The following CTNNA2 variants were observed in gnomAD, a reference collection of about 807,000 sequenced individuals.
CTNNA2 encodes catenin alpha 2, also known as catenin alpha-2.
Under a neutral mutation model 101.0 loss-of-function variants are expected in CTNNA2, and 42 were observed. The ratio of observed to expected loss-of-function variants is 0.42; its 90% CI spans 0.32 to 0.54. The LOEUF is 0.54. CTNNA2 is among the 20% of genes least tolerant of loss of function. The pLI is 0.14. For synonymous variants in CTNNA2, 450 were observed against 456.4 expected (o/e 0.99, Z 0.18); for missense variants, 871 against 1,223.1 (o/e 0.71, Z 4.29).
At chr2:79,854,180 T>A (rs1484245790) in intron 3 of CTNNA2, among the ~76,000 whole-genome samples, 1 of 152,226 alleles carries the variant, frequency 6.6e-6, no homozygotes, top group Non-Finnish European at 1.5e-5. Context: ...TGAGCATATG[T>A]TGTCTTGCTT....
chr2:80,050,687 A>G (rs1696819246), intron 7 of CTNNA2, among the ~76,000 whole-genome samples: 1 of 152,018 alleles, frequency 6.6e-6, no homozygotes, highest in African/African-American at 2.4e-5. Context: ...TGAAGAGAAC[A>G]TTGTTATTTG....
chr2:80,010,475 TTTA>T (rs1693699309), intron 7 of CTNNA2, among the ~76,000 whole-genome samples: 1 of 152,032 alleles, frequency 6.6e-6, no homozygotes. Context: ...CTGGATTTTT[TTTA>T]TTATTTGTAG....
intron 7 of CTNNA2, among the ~76,000 whole-genome samples, chr2:80,114,982 C>G (rs1185846445): frequency 1.3e-5 from 2 of 152,150 alleles, no homozygotes; most frequent in Non-Finnish European, 2.9e-5. Flanking sequence ...TTATCAGAAG[C>G]TATGTTTACA....
chr2:79,544,756 G>T (rs1478267477), intron 1 of CTNNA2, among the ~76,000 whole-genome samples: 2 of 152,128 alleles, frequency 1.3e-5, no homozygotes, highest in Non-Finnish European at 2.9e-5. Flanking sequence ...TGCTTAGCAG[G>T]TATTTAGAGC....
chr2:80,099,393 T>G (rs892765981), intron 7 of CTNNA2, among the ~76,000 whole-genome samples: 39 of 152,030 alleles, frequency 2.6e-4, no homozygotes, highest in African/African-American at 8.9e-4. Context: ...ACCCTGCATG[T>G]TGGAATACAT....
At chr2:80,579,100 G>A (rs1305497103) in intron 13 of CTNNA2, 2 of 152,152 alleles carry the variant, frequency 1.3e-5, no homozygotes, top group East Asian at 3.9e-4. Flanking sequence ...TAAGTGACTT[G>A]CCAAAGACAT....
chr2:79,339,849 C>A, intron 3 of CTNNA2: 1 of 152,192 alleles, frequency 6.6e-6, no homozygotes, highest in East Asian at 1.9e-4. Context: ...AGACAGAGCT[C>A]AAACTCATAC....
intron 7 of CTNNA2, among the ~76,000 whole-genome samples, chr2:80,069,476 A>C (rs1474187699): frequency 2.0e-5 from 3 of 152,222 alleles, no homozygotes; most frequent in Non-Finnish European, 2.9e-5. Flanking sequence ...AGAAATTTAT[A>C]ATTCCATCTA....
chr2:79,727,734 C>T (rs1437695441), intron 2 of CTNNA2, among the ~76,000 whole-genome samples: 1 of 117,330 alleles, frequency 8.5e-6, no homozygotes, highest in Non-Finnish European at 1.7e-5. Context: ...CCCCTCCCCC[C>T]ACCCCACAAC....
At chr2:79,744,742 T>C (rs947670295) in intron 3 of CTNNA2, among the ~76,000 whole-genome samples, 160 bp downstream of exon 3, 12 of 152,220 alleles carry the variant, frequency 7.9e-5, no homozygotes, top group Non-Finnish European at 7.3e-5. Context: ...ATGTGGTACA[T>C]AGAGATATTT....
At chr2:79,813,484 T>A (rs1426624664) in intron 3 of CTNNA2, among the ~76,000 whole-genome samples, 1 of 152,036 alleles carries the variant, frequency 6.6e-6, no homozygotes, top group African/African-American at 2.4e-5. Flanking sequence ...CTGTTCAGAG[T>A]TGAGGTTGAA....
chr2:79,707,163 T>G (rs1218984226), intron 2 of CTNNA2, among the ~76,000 whole-genome samples: 3 of 152,126 alleles, frequency 2.0e-5, no homozygotes, highest in Non-Finnish European at 4.4e-5. Context: ...CGAGGACACA[T>G]GTGCTGGCTC....
chr2:79,586,285 C>T (rs1676480946), intron 1 of CTNNA2, among the ~76,000 whole-genome samples: 1 of 152,094 alleles, frequency 6.6e-6, no homozygotes, highest in Admixed American at 6.5e-5. Flanking sequence ...TCAAGAGTGT[C>T]ACCTCCTAAA....
intron 4 of CTNNA2, among the ~76,000 whole-genome samples, chr2:79,862,886 T>A (rs1371725449): frequency 6.6e-6 from 1 of 152,152 alleles, no homozygotes; most frequent in East Asian, 1.9e-4. Context: ...CCTAGTTTTT[T>A]AAAAAGGGAA....
At position 80,288,232 on chromosome 2, in the gene CTNNA2, G is replaced by T. The variant is rs1003541382; in HGVS notation, c.1057-104979G>T. 83 of 152,118 alleles carry T rather than the reference G, an allele frequency of 5.5e-4. 1 individual carries two copies. Among genetic ancestry groups the T allele is most frequent in the African/African-American group, 1.7e-3 (72 of 41,428 alleles). The allele number at this position is 152,118 out of a possible 1,614,324, so 9.4% of individuals were successfully genotyped here. On this transcript the variant is annotated intron_variant, in intron 7 of 18. Coordinates refer to ENST00000402739, the MANE Select transcript of CTNNA2 (RefSeq NM_001282597.3). ...AAGCGATCACCAGAAATTTATGTTT[G>T]CTGTTAGAAAATTGCTTTGGGAAAT... is the stretch of plus-strand genomic sequence containing the variant.
intron 3 of CTNNA2, among the ~76,000 whole-genome samples, chr2:79,792,440 A>G (rs1675351754): frequency 6.6e-6 from 1 of 152,156 alleles, no homozygotes; most frequent in Non-Finnish European, 1.5e-5. Flanking sequence ...TTGCCCCACA[A>G]AACTGTGGCA....
At chr2:79,415,928 T>G (rs1256832762) in intron 4 of CTNNA2, among the ~76,000 whole-genome samples, 4 of 152,182 alleles carry the variant, frequency 2.6e-5, no homozygotes, top group African/African-American at 9.6e-5. Context: ...AGATATGACT[T>G]GCTTGCTTGT....
chr2:80,580,528 T>C lies in CTNNA2; in HGVS notation c.1894-1178T>C, dbSNP rs1409059117. On this transcript the variant is annotated intron_variant, in intron 13 of 18. Coordinates refer to ENST00000402739, the MANE Select transcript of CTNNA2 (RefSeq NM_001282597.3). ...TTCTTTATTAACTAATTTAGGGATA[T>C]GGGGCAAATGGCTTAACTTCTTTGC... is the stretch of plus-strand genomic sequence containing the variant. Among the ~76,000 whole-genome samples the C allele has an allele frequency of 2.6e-5, 4 of 152,164 alleles. No individual in the cohort carries two copies. In the East Asian group the frequency reaches 5.8e-4, roughly 22 times the overall value.
At chr2:80,511,275 G>A (rs1206128769) in intron 9 of CTNNA2, among the ~76,000 whole-genome samples, 2 of 152,200 alleles carry the variant, frequency 1.3e-5, no homozygotes, top group African/African-American at 2.4e-5. Flanking sequence ...AGATATTAGA[G>A]ATATTTTTCC....
Sources: gnomAD v4.1 joint callset for allele counts (sites outside exome capture counted in the v4.1 genomes callset) on GRCh38, gnomAD v4.1.1 for gene constraint, MANE v1.5 for transcripts, NCBI Gene and HGNC (gene_info 2026-07-23, HGNC 2026-07-21) for gene names.